The following SPATS2L variants were observed in gnomAD, a reference collection of about 807,000 sequenced individuals.
SPATS2L encodes the protein SPATS2-like protein.
In SPATS2L, 30 loss-of-function variants were observed where a neutral mutation model predicts 59.6. The ratio of observed to expected loss-of-function variants is 0.50; its 90% CI spans 0.38 to 0.68. The LOEUF is 0.68. Among genes scored for constraint, SPATS2L ranks in the 30% least tolerant of loss-of-function variants. The pLI, the probability that SPATS2L is intolerant of heterozygous loss-of-function variation, is 0.00. For synonymous variants in SPATS2L, 252 were observed against 263.5 expected, an observed-to-expected ratio of 0.96 and a Z score of 0.42; for missense variants, 615 against 700.0, an observed-to-expected ratio of 0.88 and a Z score of 1.37.
chr2:200,354,780 C>T (rs996734797), intron 2 of SPATS2L, among the ~76,000 whole-genome samples: 9 of 152,124 alleles, frequency 5.9e-5, no homozygotes, highest in African/African-American at 1.4e-4. Flanking sequence ...TTTTAACTGT[C>T]TGTAGATGTA....
intron 2 of SPATS2L, chr2:200,372,179 C>G: frequency 1.0e-6 from 1 of 985,400 alleles, no homozygotes; most frequent in Non-Finnish European, 1.2e-6. Flanking sequence ...CGGGAAAAGA[C>G]TGCAAAAACA....
intron 8 of SPATS2L, among the ~76,000 whole-genome samples, chr2:200,445,526 G>A (rs2084976100): frequency 6.6e-6 from 1 of 152,146 alleles, no homozygotes; most frequent in South Asian, 2.1e-4. Context: ...TAAATATTGT[G>A]CACTTTTCCT....
intron 6 of SPATS2L, among the ~76,000 whole-genome samples, chr2:200,438,498 A>G (rs1316182298): frequency 6.6e-6 from 1 of 152,210 alleles, no homozygotes; most frequent in Non-Finnish European, 1.5e-5. Flanking sequence ...ATTGATTGCC[A>G]CATCTATTAA....
chr2:200,415,362 A>G (rs1337599773), intron 4 of SPATS2L, among the ~76,000 whole-genome samples: 2 of 152,230 alleles, frequency 1.3e-5, no homozygotes, highest in East Asian at 3.8e-4. Context: ...GAAATTTATT[A>G]TAAAGACCAG....
At chr2:200,413,672 GGAGTA>G (rs2082962982) in intron 4 of SPATS2L, among the ~76,000 whole-genome samples, 1 of 152,166 alleles carries the variant, frequency 6.6e-6, no homozygotes, top group South Asian at 2.1e-4. Flanking sequence ...TATTTTCCTA[GGAGTA>G]GAATAACCTT....
chr2:200,334,909 ACT>A, intron 2 of SPATS2L, among the ~76,000 whole-genome samples: 1 of 152,296 alleles, frequency 6.6e-6, no homozygotes, highest in Admixed American at 6.5e-5. Flanking sequence ...TGTTTTGGTT[ACT>A]GTAGCCTTGT....
At chr2:200,423,089 G>A (rs892677364) in intron 6 of SPATS2L, among the ~76,000 whole-genome samples, 1 of 152,116 alleles carries the variant, frequency 6.6e-6, no homozygotes, top group Non-Finnish European at 1.5e-5. Context: ...AGAGTGAGAT[G>A]GCACAAGATT....
At chr2:200,396,050 A>G (rs1162195350) in intron 3 of SPATS2L, among the ~76,000 whole-genome samples, 1 of 90,538 alleles carries the variant, frequency 1.1e-5, no homozygotes, top group Non-Finnish European at 2.3e-5. Flanking sequence ...ATATATATAT[A>G]TATATATATA....
intron 2 of SPATS2L, among the ~76,000 whole-genome samples, chr2:200,346,579 A>G (rs925535800): frequency 1.3e-5 from 2 of 152,198 alleles, no homozygotes; most frequent in Non-Finnish European, 2.9e-5. Flanking sequence ...CTCATAAAAC[A>G]CTAAGTAATT....
chr2:200,456,288 T>G (rs2106173644), intron 8 of SPATS2L, among the ~76,000 whole-genome samples: 2 of 152,326 alleles, frequency 1.3e-5, no homozygotes, highest in East Asian at 3.9e-4. Context: ...CACCCATAGA[T>G]AGCAGAGCTT....
intron 2 of SPATS2L, among the ~76,000 whole-genome samples, chr2:200,367,642 G>GA (rs2081306066): frequency 6.6e-6 from 1 of 152,162 alleles, no homozygotes; most frequent in Admixed American, 6.5e-5. Flanking sequence ...TTTCTAAAAA[G>GA]TAGATTGAAA....
intron 2 of SPATS2L, among the ~76,000 whole-genome samples, chr2:200,374,088 C>T (rs2081520520): frequency 6.6e-6 from 1 of 152,212 alleles, no homozygotes; most frequent in Non-Finnish European, 1.5e-5. Context: ...CATCTCATTG[C>T]TTACTGCCTG....
chr2:200,439,312 G>T lies in SPATS2L; in HGVS notation c.636G>T (p.Glu212Asp). 6.2e-7 allele frequency: 1 copy of T among 1,613,256 alleles called. No individual in the cohort carries two copies. Among genetic ancestry groups the T allele is most frequent in the South Asian group, 1.1e-5 (1 of 91,052 alleles). Residue 212 changes from glutamate to aspartate, a missense_variant, in exon 7 of 13, where the codon GAG becomes GAT. Physicochemically the swap from Glu to Asp is conservative, Grantham distance 45 (BLOSUM62 2). This residue lies in a region of SPATS2L where 227 missense variants were observed against 257.4 expected (regional missense o/e 0.88). Transcript: ENST00000409140. Reference sequence around the variant, plus strand: ...CTCATCTTGAAATAAAGCCAGATGAGTTGGCAAAGAAAAGAGGTAAAGTGA... The same window carrying T: ...CTCATCTTGAAATAAAGCCAGATGATTTGGCAAAGAAAAGAGGTAAAGTGA... Reference protein sequence around the residue: ...PAAHLEIKPDELAKKRGPNIE... With the variant: ...PAAHLEIKPDDLAKKRGPNIE...
At position 200,473,017 on chromosome 2, in the gene SPATS2L, G is replaced by A. The variant is rs566510381; in HGVS notation, c.1246G>A (p.Asp416Asn). Residue 416 changes from aspartate to asparagine, a missense_variant, in exon 12 of 13, where the codon GAC (aspartate) becomes AAC (asparagine). Asp to Asn is a conservative substitution (Grantham distance 23). Transcript: ENST00000409140. ...KMVSSLPSTA[D>N]PSHQTMPANK... is the part of the protein sequence containing the mutation. ...GGTGAGCAGTCTCCCCAGCACCGCC[G>A]ACCCCTCTCACCAGACCATGCCGGC... 19 of 1,612,664 alleles carry A rather than the reference G, an allele frequency of 1.2e-5. No individual in the cohort carries two copies. Among genetic ancestry groups the A allele is most frequent in the South Asian group, 6.6e-5 (6 of 91,016 alleles).
intron 2 of SPATS2L, among the ~76,000 whole-genome samples, chr2:200,371,174 T>G (rs1325942217): frequency 2.0e-5 from 3 of 152,204 alleles, no homozygotes; most frequent in African/African-American, 7.2e-5. Context: ...CATGTATATA[T>G]GTATCTCAGG....
intron 3 of SPATS2L, among the ~76,000 whole-genome samples, chr2:200,395,880 G>A (rs1007121906): frequency 1.3e-5 from 2 of 150,500 alleles, no homozygotes; most frequent in Non-Finnish European, 3.0e-5. Flanking sequence ...GAGTGGTGGT[G>A]GACACCTATA....
intron 2 of SPATS2L, among the ~76,000 whole-genome samples, chr2:200,361,348 G>A (rs1365358657): frequency 6.6e-6 from 1 of 152,124 alleles, no homozygotes; most frequent in African/African-American, 2.4e-5. Context: ...GGAAGCCCTG[G>A]TCCCTGGATG....
chr2:200,319,564 CAAAAAAAAAAAAAAA>C (rs56210295), intron 1 of SPATS2L, among the ~76,000 whole-genome samples: 1 of 51,004 alleles, frequency 2.0e-5, no homozygotes, highest in Admixed American at 2.6e-4. Context: ...GACCCCACCT[CAAAAAAAAAAAAAAA>C]AAAAAAAAAG....
At chr2:200,378,202 C>G (rs1186322101) in intron 2 of SPATS2L, 1 of 1,002,098 alleles carries the variant, frequency 1.0e-6, no homozygotes, top group African/African-American at 1.7e-5. Context: ...TGCTACTACC[C>G]TGGTTTCTGG....
Sources: allele counts gnomAD v4.1 joint callset (sites outside exome capture counted in the v4.1 genomes callset), GRCh38; gene constraint gnomAD v4.1.1; regional missense constraint gnomAD v4.1.1; transcripts MANE v1.5; gene names NCBI Gene and HGNC (gene_info 2026-07-23, HGNC 2026-07-21).